Variants in TTC7B observed in about 807,000 individuals in gnomAD.
TTC7B encodes the protein tetratricopeptide repeat protein 7B.
In TTC7B, 28 loss-of-function variants were observed where a neutral mutation model predicts 106.8. That is an observed-to-expected ratio of 0.26 (90% CI 0.19 to 0.36). TTC7B has a LOEUF of 0.36. Ranked by LOEUF, TTC7B falls within the 10% of genes least tolerant of loss-of-function variation. The probability of loss-of-function intolerance (pLI) is 1.00; values close to 1 mark genes in which losing one functional copy is unlikely to be tolerated. For synonymous variants in TTC7B, 405 were observed against 430.6 expected (o/e 0.94, Z 0.74); for missense variants, 862 against 1,076.4 (o/e 0.80, Z 2.79).
chr14:90,631,024 C>T (rs1323835734), intron 15 of TTC7B, among the ~76,000 whole-genome samples: 9 of 152,096 alleles, frequency 5.9e-5, no homozygotes, highest in African/African-American at 9.6e-5. Context: ...TTAGTAGAGA[C>T]GGGGTTTCAC....
intron 15 of TTC7B, among the ~76,000 whole-genome samples, chr14:90,629,991 G>A (rs186332077): frequency 3.6e-4 from 55 of 152,314 alleles, no homozygotes; most frequent in African/African-American, 1.3e-3. Flanking sequence ...TCATATGCAA[G>A]CCTAGTACTG....
chr14:90,766,821 G>T, intron 3 of TTC7B: 2 of 1,592,578 alleles, frequency 1.3e-6, no homozygotes, highest in Non-Finnish European at 1.7e-6. Context: ...AATATAGCCA[G>T]GTCCTAGCCA....
chr14:90,647,106 G>T, intron 13 of TTC7B, 83 bp from the exon 14 acceptor site: 1 of 1,189,246 alleles, frequency 8.4e-7, no homozygotes, highest in Non-Finnish European at 1.3e-6. Flanking sequence ...CTCCACATTT[G>T]CATTCTTATA....
intron 15 of TTC7B, among the ~76,000 whole-genome samples, chr14:90,623,286 A>T (rs960798466): frequency 6.6e-6 from 1 of 152,224 alleles, no homozygotes; most frequent in Non-Finnish European, 1.5e-5. Context: ...TTAATTCCAG[A>T]TTCTTAACGA....
intron 19 of TTC7B, among the ~76,000 whole-genome samples, chr14:90,552,968 G>A (rs1842868712): frequency 6.6e-6 from 1 of 152,240 alleles, no homozygotes; most frequent in South Asian, 2.1e-4. Context: ...TGGAGCCCCA[G>A]AGAAAAGACT....
chr14:90,566,342 C>A (rs1315267593), intron 19 of TTC7B, among the ~76,000 whole-genome samples: 1 of 150,142 alleles, frequency 6.7e-6, no homozygotes, highest in South Asian at 2.1e-4. Context: ...GAAACTCTAT[C>A]TCCAAAAAAA....
intron 1 of TTC7B, among the ~76,000 whole-genome samples, chr14:90,806,362 C>T (rs2030609954): frequency 6.6e-6 from 1 of 152,238 alleles, no homozygotes; most frequent in Non-Finnish European, 1.5e-5. Context: ...GCTGCTTCAG[C>T]TTTGGGCCTG....
Position 90,538,578 on chromosome 14 carries a change from G to C in TTC7B, c.*2790C>G, listed in dbSNP as rs1011197663. On this transcript the variant is annotated 3_prime_UTR_variant, in exon 20 of 20. Coordinates refer to ENST00000328459, the MANE Select transcript of TTC7B (RefSeq NM_001010854.2). ...GTGTGGGGCTGGGGCCAAGGTACTG[G>C]GGATGAAGTTGAATGGGAGAGATTT... is the stretch of plus-strand genomic sequence containing the variant. The C allele has an allele frequency of 6.6e-6, 1 of 152,444 alleles. No homozygotes were observed. Among genetic ancestry groups the C allele is most frequent in the African/African-American group, 2.4e-5 (1 of 41,446 alleles). The allele number at this position is 152,444 out of a possible 1,614,324, so 9.4% of individuals were successfully genotyped here. A position where few individuals can be genotyped will look rare whatever the true frequency, so the allele number is the denominator to read the frequency against.
intron 19 of TTC7B, among the ~76,000 whole-genome samples, chr14:90,566,924 G>A (rs1157058284): frequency 6.6e-6 from 1 of 152,082 alleles, no homozygotes; most frequent in Non-Finnish European, 1.5e-5. Context: ...AGGTAACAGG[G>A]AAGGCCACCT....
chr14:90,731,894 C>T (rs142159025), intron 4 of TTC7B, among the ~76,000 whole-genome samples: 6 of 152,234 alleles, frequency 3.9e-5, no homozygotes, highest in South Asian at 2.1e-4. Context: ...AGGTCCAACA[C>T]GGAAACTTTT....
At chr14:90,776,821 C>T (rs552379798) in intron 3 of TTC7B, among the ~76,000 whole-genome samples, 3 of 152,174 alleles carry the variant, frequency 2.0e-5, no homozygotes, top group African/African-American at 7.2e-5. Flanking sequence ...GAGGTCAAGT[C>T]CTGGCTCAAC....
intron 17 of TTC7B, among the ~76,000 whole-genome samples, chr14:90,607,605 C>T (rs1892698398): frequency 6.6e-6 from 1 of 152,220 alleles, no homozygotes; most frequent in South Asian, 2.1e-4. Flanking sequence ...TGTTCAAAGT[C>T]AGCCAGGCTC....
At chr14:90,550,342 C>T (rs1890023143) in intron 19 of TTC7B, among the ~76,000 whole-genome samples, 1 of 152,210 alleles carries the variant, frequency 6.6e-6, no homozygotes, top group Non-Finnish European at 1.5e-5. Flanking sequence ...TATGTCTCCA[C>T]CCTAAAGTGA....
At chr14:90,635,574 C>T (rs1195863828) in intron 15 of TTC7B, among the ~76,000 whole-genome samples, 1 of 151,070 alleles carries the variant, frequency 6.6e-6, no homozygotes, top group Non-Finnish European at 1.5e-5. Flanking sequence ...TCCTGGCTAA[C>T]ACAGTGAAAC....
In TTC7B at chr14:90,575,254, A is replaced by G. The variant is rs1429549806; in HGVS notation, c.2310+2852T>C. ...CAGTTCTTGGGTTTAATCTGTCTGC[A>G]TGTTGTATTGGCGCGGTTATCCTCA... On this transcript the variant is annotated intron_variant, in intron 19 of 19. Coordinates refer to ENST00000328459, the MANE Select transcript of TTC7B (RefSeq NM_001010854.2). This position sits in a 1 kb window ranked among gnomAD's most constrained non-coding sequence, Gnocchi z 5.2. Among the ~76,000 whole-genome samples the G allele has an allele frequency of 1.3e-5, 2 of 152,204 alleles. No individual in the cohort carries two copies. Among genetic ancestry groups the G allele is most frequent in the East Asian group, 1.9e-4 (1 of 5,184 alleles).
chr14:90,727,939 C>T (rs758589465), intron 5 of TTC7B, among the ~76,000 whole-genome samples: 1 of 152,206 alleles, frequency 6.6e-6, no homozygotes, highest in Non-Finnish European at 1.5e-5. Flanking sequence ...ATTCTGTCCC[C>T]GCTTGCTGTA....
chr14:90,656,189 G>C (rs897808937), intron 11 of TTC7B, among the ~76,000 whole-genome samples: 1 of 152,300 alleles, frequency 6.6e-6, no homozygotes, highest in Non-Finnish European at 1.5e-5. Flanking sequence ...CTCTTCACTA[G>C]GCTTACTTTT....
chr14:90,692,723 A>G (rs966725015), intron 6 of TTC7B, among the ~76,000 whole-genome samples: 2 of 152,242 alleles, frequency 1.3e-5, no homozygotes, highest in African/African-American at 4.8e-5. Flanking sequence ...AAGTTTTATG[A>G]ATACTGAGAA....
chr14:90,630,385 C>G (rs896295068), intron 15 of TTC7B, among the ~76,000 whole-genome samples: 4 of 152,160 alleles, frequency 2.6e-5, no homozygotes, highest in African/African-American at 9.7e-5. Flanking sequence ...ATCTCAAGAG[C>G]AGAAGGGTCC....
Sources: gnomAD v4.1 joint callset for allele counts (sites outside exome capture counted in the v4.1 genomes callset) on GRCh38, gnomAD v4.1.1 for gene constraint, Gnocchi (gnomAD v3.1) non-coding constraint, MANE v1.5 for transcripts, NCBI Gene and HGNC (gene_info 2026-07-23, HGNC 2026-07-21) for gene names.